Variants in DHTKD1 observed in about 807,000 individuals in gnomAD.
DHTKD1 encodes the protein dehydrogenase E1 and transketolase domain containing 1, also known as 2-oxoadipate dehydrogenase complex component E1.
In DHTKD1, 78 loss-of-function variants were observed where a neutral mutation model predicts 101.8. That is an observed-to-expected ratio of 0.77 (90% CI 0.64 to 0.93). The LOEUF is 0.93. Among genes scored for constraint, DHTKD1 ranks in the 40% least tolerant of loss-of-function variants. The pLI is 0.00. For synonymous variants in DHTKD1, 462 were observed against 450.3 expected (o/e 1.03, Z -0.33); for missense variants, 1,223 against 1,161.7 (o/e 1.05, Z -0.77).
At chr10:12,079,222 T>C (rs1209803124) in intron 1 of DHTKD1, among the ~76,000 whole-genome samples, 1 of 152,124 alleles carries the variant, frequency 6.6e-6, no homozygotes, top group Admixed American at 6.6e-5. Flanking sequence ...GTAGTTGGGA[T>C]TATAGGTGTG....
chr10:12,107,392 A>G lies in DHTKD1; in HGVS notation c.2048-517A>G, dbSNP rs535712868. ...CCTTTGAGTTTGTCTTCCACTCGTA[A>G]AAGCCCAGGGCCTGTGCCGTGATAG... On this transcript the variant is annotated intron_variant, in intron 11 of 16. Transcript: ENST00000263035. This position sits in a 1 kb window ranked among gnomAD's most constrained non-coding sequence, Gnocchi z 4.1. Among the ~76,000 whole-genome samples, 4 of 151,864 alleles carry G rather than the reference A, an allele frequency of 2.6e-5. No homozygotes were observed. The South Asian group carries it at 8.3e-4, about 32-fold the overall frequency.
At chr10:12,084,840 C>G in intron 3 of DHTKD1, 89 bp downstream of exon 3, 1 of 1,176,092 alleles carries the variant, frequency 8.5e-7, no homozygotes, top group Non-Finnish European at 1.2e-6. Context: ...CACCTGAGGT[C>G]AGGAGTTCAA....
In DHTKD1 at chr10:12,112,886, C is replaced by T; in HGVS notation, c.2155-14C>T. On this transcript the variant is annotated splice_polypyrimidine_tract_variant and intron_variant, in intron 12 of 16. Transcript: ENST00000263035. ...TCTGAACATTCTTCTCCTTTCTTGC[C>T]ACTTCTCTCCCAGATGTGTGACAGT... 2.5e-6 allele frequency: 4 copies of T among 1,580,386 alleles called. No homozygotes were observed. The Admixed American group carries it at 5.5e-5, about 22-fold the overall frequency.
chr10:12,093,365 T>A (rs1179031961), intron 6 of DHTKD1, among the ~76,000 whole-genome samples: 5 of 152,150 alleles, frequency 3.3e-5, no homozygotes, highest in Non-Finnish European at 7.4e-5. Context: ...TTAAAATAAT[T>A]TTTGTAGAGA....
chr10:12,069,654 C>A (rs1588597786), intron 1 of DHTKD1, among the ~76,000 whole-genome samples: 1 of 121,862 alleles, frequency 8.2e-6, no homozygotes, highest in South Asian at 3.1e-4. Flanking sequence ...TCCCGAGTAG[C>A]TGGGGACACA....
rs11292752 is a variant in DHTKD1 at position 12,069,684 on chromosome 10, CTTTTTTTTTTTT to C, written c.154+512_154+523del. Among the ~76,000 whole-genome samples the C allele has an allele frequency of 1.1e-3, 27 of 25,484 alleles. 1 individual carries two copies. The highest frequency in any genetic ancestry group is 2.8e-3 in the African/African-American group (22 of 7,844). 16.7% of individuals were successfully genotyped at this position (25,484 alleles called of 152,430 possible). On this transcript the variant is annotated intron_variant, in intron 1 of 16. Transcript: ENST00000263035. ...GACACAGAGGGATGACCACGCCCAG[CTTTTTTTTTTTT>C]TTTTTTTTTTTTTTCATTTTTAGTA...
intron 7 of DHTKD1, among the ~76,000 whole-genome samples, chr10:12,095,821 A>G (rs1833060940): frequency 7.1e-6 from 1 of 140,898 alleles, no homozygotes; most frequent in South Asian, 2.3e-4. Flanking sequence ...TCAAAAAAAA[A>G]AAAAAAAAAA....
intron 15 of DHTKD1, among the ~76,000 whole-genome samples, chr10:12,119,472 C>G (rs536939905): frequency 2.7e-4 from 40 of 150,444 alleles, no homozygotes; most frequent in Non-Finnish European, 5.0e-4. Context: ...AAAAATTAGC[C>G]GGGCGTGGTG....
chr10:12,106,762 TC>T (rs1193492304), intron 11 of DHTKD1, among the ~76,000 whole-genome samples: 7 of 152,170 alleles, frequency 4.6e-5, no homozygotes, highest in Non-Finnish European at 1.0e-4. Flanking sequence ...AGACCCTGAA[TC>T]CCATTTTCCA....
intron 12 of DHTKD1, among the ~76,000 whole-genome samples, chr10:12,108,337 T>G (rs1025490831): frequency 1.3e-5 from 2 of 152,136 alleles, no homozygotes; most frequent in African/African-American, 4.8e-5. Context: ...TGGAGTGCAG[T>G]GGTGCGATCT....
At chr10:12,078,597 T>C (rs559491400) in intron 1 of DHTKD1, among the ~76,000 whole-genome samples, 62 of 152,074 alleles carry the variant, frequency 4.1e-4, no homozygotes, top group Admixed American at 1.1e-3. Flanking sequence ...GGTGACAGAG[T>C]GAGACTCCGT....
In DHTKD1 at chr10:12,117,746, A is replaced by G; in HGVS notation, c.2393A>G (p.Asp798Gly). ...CCGGTCATTGGTGATTCATCTGTGGATCCAAAAAAGTAAGATATGTATCTC... is the reference window on the plus strand; with the variant it reads ...CCGGTCATTGGTGATTCATCTGTGGGTCCAAAAAAGTAAGATATGTATCTC... ...FNPVIGDSSV[D>G]PKKVKTLVFC... Residue 798 changes from aspartate (D) to glycine (G), a missense_variant, in exon 14 of 17, where the codon GAT becomes GGT. Coordinates refer to ENST00000263035, the MANE Select transcript of DHTKD1 (RefSeq NM_018706.7). 1 of 1,592,522 alleles carries G rather than the reference A, an allele frequency of 6.3e-7. No individual in the cohort carries two copies. Among genetic ancestry groups the G allele is most frequent in the Non-Finnish European group, 8.6e-7 (1 of 1,164,860 alleles).
In DHTKD1 at chr10:12,120,211, A is replaced by G. The variant is rs1471536373; in HGVS notation, c.2602A>G (p.Asn868Asp). 3.7e-6 allele frequency: 6 copies of G among 1,614,050 alleles called. No individual in the cohort carries two copies. Among genetic ancestry groups the G allele is most frequent in the Non-Finnish European group, 5.1e-6 (6 of 1,179,932 alleles). ...DHIWSQEEPQ[N>D]MGPWSFVSPR... ...TATTTGGAGTCAGGAGGAACCTCAG[A>G]ACATGGGTCCGTGGTCGTTTGTTTC... Residue 868 changes from asparagine to aspartate, a missense_variant, in exon 16 of 17, where the codon AAC (asparagine) becomes GAC (aspartate). Physicochemically the swap from Asn to Asp is conservative, Grantham distance 23. Coordinates refer to ENST00000263035, the MANE Select transcript of DHTKD1 (RefSeq NM_018706.7).
intron 1 of DHTKD1, among the ~76,000 whole-genome samples, chr10:12,072,459 CTCAATAAATAAATAAATAAATAAA>C (rs1300898109): frequency 2.9e-5 from 3 of 104,530 alleles, no homozygotes; most frequent in African/African-American, 7.1e-5. Context: ...AAGACTCTGT[CTCAATAAATAAATAAATAAATAAA>C]TAAATAAATA....
rs1833524532 is a variant in DHTKD1, at chr10:12,121,275, C to T, written c.*387C>T. 4.8e-6 allele frequency: 1 copy of T among 208,492 alleles called. No homozygotes were observed. Among genetic ancestry groups the T allele is most frequent in the African/African-American group, 2.3e-5 (1 of 43,194 alleles). The allele number at this position is 208,492 out of a possible 1,614,324, so 12.9% of individuals were successfully genotyped here. A position where few individuals can be genotyped will look rare whatever the true frequency, so the allele number is the denominator to read the frequency against. ...AGGCCTCCTTCCTCCACTCTCTCAACCCCTCTGTTGGGTAACATGAAAAGA... is the reference window on the plus strand; with the variant it reads ...AGGCCTCCTTCCTCCACTCTCTCAATCCCTCTGTTGGGTAACATGAAAAGA... On this transcript the variant is annotated 3_prime_UTR_variant, in exon 17 of 17. Transcript: ENST00000263035.
chr10:12,117,964 T>C (rs1375679514), intron 14 of DHTKD1, among the ~76,000 whole-genome samples: 8 of 151,730 alleles, frequency 5.3e-5, no homozygotes, highest in African/African-American at 1.7e-4. Context: ...ATCTCAGCTC[T>C]ATGCAACCTC....
chr10:12,112,829 C>A, intron 12 of DHTKD1, 71 bp from the exon 13 acceptor site: 1 of 1,446,592 alleles, frequency 6.9e-7, no homozygotes. Context: ...TCCCTTTGGC[C>A]AGCCCATTGT....
At chr10:12,106,653 G>T (rs895128936) in intron 11 of DHTKD1, among the ~76,000 whole-genome samples, 1 of 152,148 alleles carries the variant, frequency 6.6e-6, no homozygotes, top group Non-Finnish European at 1.5e-5. Flanking sequence ...GGTCAGTAGG[G>T]CCATGAAAAC....
chr10:12,077,094 A>G (rs555763431), intron 1 of DHTKD1, among the ~76,000 whole-genome samples: 1 of 150,132 alleles, frequency 6.7e-6, no homozygotes, highest in East Asian at 1.9e-4. Context: ...GTGCATATAT[A>G]TAAGTATATA....
Sources: gnomAD v4.1 joint callset for allele counts (sites outside exome capture counted in the v4.1 genomes callset) on GRCh38, gnomAD v4.1.1 for gene constraint, Gnocchi (gnomAD v3.1) non-coding constraint, MANE v1.5 for transcripts, NCBI Gene and HGNC (gene_info 2026-07-23, HGNC 2026-07-21) for gene names.